FUT9: variants seen among roughly 807,000 people sequenced by gnomAD.
FUT9 encodes 4-galactosyl-N-acetylglucosaminide 3-alpha-L-fucosyltransferase 9.
A neutral mutation model predicts 29.7 loss-of-function variants in FUT9; 15 were observed. That is an observed-to-expected ratio of 0.51 (90% confidence interval 0.34 to 0.78). The LOEUF (loss-of-function observed/expected upper bound fraction) is 0.78. Ranked by LOEUF, FUT9 falls within the 30% of genes least tolerant of loss-of-function variation. The pLI is 0.01. For synonymous variants in FUT9, 169 were observed against 153.7 expected, an observed-to-expected ratio of 1.10 and a Z score of -0.74; for missense variants, 319 against 425.4, an observed-to-expected ratio of 0.75 and a Z score of 2.20.
chr6:96,174,885 T>A (rs926126525), intron 2 of FUT9, among the ~76,000 whole-genome samples: 1 of 152,120 alleles, frequency 6.6e-6, no homozygotes, highest in South Asian at 2.1e-4. Context: ...CAAAGCTCCT[T>A]GAAATTCAAT....
At chr6:96,155,232 TA>T (rs987898482) in intron 2 of FUT9, among the ~76,000 whole-genome samples, 6 of 151,780 alleles carry the variant, frequency 4.0e-5, no homozygotes, top group Admixed American at 2.0e-4. Flanking sequence ...TTAGAAGGGG[TA>T]AAAAAAACGC....
intron 1 of FUT9, among the ~76,000 whole-genome samples, chr6:96,097,677 T>C (rs1435535923): frequency 2.0e-5 from 3 of 152,138 alleles, no homozygotes; most frequent in Admixed American, 2.0e-4. Context: ...TTCAATTTCT[T>C]ACTCCATGAG....
intron 2 of FUT9, among the ~76,000 whole-genome samples, chr6:96,116,852 G>A (rs1771920525): frequency 6.6e-6 from 1 of 150,440 alleles, no homozygotes; most frequent in South Asian, 2.1e-4. Flanking sequence ...AATTTTAAAG[G>A]GGGGTGGAAC....
chr6:96,212,267 C>A lies in FUT9; in HGVS notation c.*8032C>A, dbSNP rs1773951827. On this transcript the variant is annotated 3_prime_UTR_variant, in exon 3 of 3. Coordinates refer to ENST00000302103, the MANE Select transcript of FUT9 (RefSeq NM_006581.4). ...TAATCCTGAAGATGCCATCCTTGTCCAAGGTGAGATTGCCAGAGGATATGA... is the reference window on the plus strand; with the variant it reads ...TAATCCTGAAGATGCCATCCTTGTCAAAGGTGAGATTGCCAGAGGATATGA... The A allele has an allele frequency of 2.4e-6, 1 of 412,570 alleles. No individual in the cohort carries two copies. The highest frequency in any genetic ancestry group is 1.3e-4 in the South Asian group (1 of 7,848). The allele number at this position is 412,570 out of a possible 1,614,324, so 25.6% of individuals were successfully genotyped here. A position where few individuals can be genotyped will look rare whatever the true frequency, so the allele number is the denominator to read the frequency against.
chr6:96,119,430 C>CA (rs1266854851), intron 2 of FUT9, among the ~76,000 whole-genome samples: 2 of 152,302 alleles, frequency 1.3e-5, no homozygotes, highest in African/African-American at 4.8e-5. Flanking sequence ...TAAGTCCACT[C>CA]TCTGATGTTT....
In FUT9 at chr6:96,061,044, T is replaced by C. The variant is rs184248633; in HGVS notation, c.-98+44832T>C. ...TGTTATTACACATTAAAATGTATCC[T>C]ATATTTAATGAGCATTAAAATTGAA... On this transcript the variant is annotated intron_variant, in intron 1 of 2. Transcript: ENST00000302103. Among the ~76,000 whole-genome samples the C allele has an allele frequency of 1.2e-3, 177 of 152,208 alleles. 6 individuals are homozygous for C. The East Asian group carries it at 0.033, about 28-fold the overall frequency.
chr6:96,196,887 A>C (rs1180855583), intron 2 of FUT9, among the ~76,000 whole-genome samples: 3 of 152,150 alleles, frequency 2.0e-5, no homozygotes, highest in Non-Finnish European at 4.4e-5. Flanking sequence ...TTTCATGGCC[A>C]GTTCTTACAC....
At chr6:96,190,233 C>A (rs1773480510) in intron 2 of FUT9, among the ~76,000 whole-genome samples, 1 of 152,188 alleles carries the variant, frequency 6.6e-6, no homozygotes, top group African/African-American at 2.4e-5. Flanking sequence ...TGAATATTGG[C>A]CCCCACTCTC....
intron 1 of FUT9, among the ~76,000 whole-genome samples, chr6:96,100,217 A>T (rs1341459752): frequency 6.9e-6 from 1 of 145,636 alleles, no homozygotes; most frequent in Non-Finnish European, 1.5e-5. Context: ...GGAATTTAAC[A>T]CACACACACA....
intron 1 of FUT9, among the ~76,000 whole-genome samples, chr6:96,081,408 A>G (rs1424062457): frequency 1.3e-5 from 2 of 151,748 alleles, no homozygotes; most frequent in Admixed American, 6.6e-5. Flanking sequence ...TTTTTCTGCA[A>G]TTTACTCCTT....
chr6:96,059,572 C>G (rs1249648478), intron 1 of FUT9, among the ~76,000 whole-genome samples: 2 of 152,178 alleles, frequency 1.3e-5, no homozygotes, highest in East Asian at 3.9e-4. Context: ...GGAAAAATAA[C>G]AATCTTAAGG....
chr6:96,128,544 T>A (rs1772174158), intron 2 of FUT9, among the ~76,000 whole-genome samples: 1 of 152,166 alleles, frequency 6.6e-6, no homozygotes. Context: ...TTGGATAACA[T>A]ACTGGTATGT....
At chr6:96,142,186 T>C (rs759930359) in intron 2 of FUT9, among the ~76,000 whole-genome samples, 1 of 152,200 alleles carries the variant, frequency 6.6e-6, no homozygotes, top group Non-Finnish European at 1.5e-5. Flanking sequence ...TTAAATTTTC[T>C]AGTCCTAAGG....
chr6:96,134,354 T>C (rs1445648186), intron 2 of FUT9, among the ~76,000 whole-genome samples: 1 of 151,850 alleles, frequency 6.6e-6, no homozygotes, highest in Non-Finnish European at 1.5e-5. Context: ...TGTCAACACA[T>C]ATAAGTCAAT....
Position 96,176,354 on chromosome 6 carries a change from TATATA to T in FUT9, c.-8-26788_-8-26784del, listed in dbSNP as rs1221174416. On this transcript the variant is annotated intron_variant, in intron 2 of 2. Transcript: ENST00000302103. ...TTTTATATCATATAATATACAATGATATATAATATATGTTATATTTATATATATCC... is the reference window on the plus strand; with the variant it reads ...TTTTATATCATATAATATACAATGATATATATGTTATATTTATATATATCC... 7.3e-5 allele frequency among the ~76,000 whole-genome samples: 11 copies of T among 151,412 alleles called. No individual in the cohort carries two copies. In the South Asian group the frequency reaches 8.3e-4, roughly 11 times the overall value.
At chr6:96,092,790 G>A (rs1172092896) in intron 1 of FUT9, among the ~76,000 whole-genome samples, 1 of 151,282 alleles carries the variant, frequency 6.6e-6, no homozygotes, top group Admixed American at 6.6e-5. Flanking sequence ...TCTTTTTTTG[G>A]AAACAGGGTC....
At chr6:96,167,324 T>C (rs757363456) in intron 2 of FUT9, among the ~76,000 whole-genome samples, 36 of 152,162 alleles carry the variant, frequency 2.4e-4, no homozygotes, top group Non-Finnish European at 4.6e-4. Context: ...ATGGCAAATA[T>C]GTGTAGAAAT....
chr6:96,058,489 C>T (rs928550146), intron 1 of FUT9, among the ~76,000 whole-genome samples: 1 of 53,164 alleles, frequency 1.9e-5, no homozygotes. Context: ...AAAAAAAAGC[C>T]AGAAAAAAGC....
chr6:96,092,752 A>T (rs1429913701), intron 1 of FUT9, among the ~76,000 whole-genome samples: 1 of 152,002 alleles, frequency 6.6e-6, no homozygotes, highest in East Asian at 1.9e-4. Flanking sequence ...ATTTTTCTTT[A>T]TAACATTTCA....
Sources: allele counts gnomAD v4.1 joint callset (sites outside exome capture counted in the v4.1 genomes callset), GRCh38; gene constraint gnomAD v4.1.1; transcripts MANE v1.5; gene names NCBI Gene and HGNC (gene_info 2026-07-23, HGNC 2026-07-21).